The following PRUNE2 variants were observed in gnomAD, a reference collection of about 807,000 sequenced individuals.
The protein encoded by PRUNE2 is protein prune homolog 2.
A neutral mutation model predicts 252.0 loss-of-function variants in PRUNE2; 164 were observed. The ratio of observed to expected loss-of-function variants is 0.65; its 90% CI spans 0.57 to 0.74. The LOEUF is 0.74. PRUNE2 is among the 30% of genes least tolerant of loss of function. PRUNE2 has a pLI of 0.00. For synonymous variants in PRUNE2, 1,292 were observed against 1,350.2 expected (o/e 0.96, Z 0.94); for missense variants, 3,495 against 3,711.0 (o/e 0.94, Z 1.51).
chr9:76,805,563 G>A (rs769180562), intron 6 of PRUNE2, among the ~76,000 whole-genome samples: 1 of 152,080 alleles, frequency 6.6e-6, no homozygotes, highest in Non-Finnish European at 1.5e-5. Context: ...TCACTGCACT[G>A]GAGCCTGTGT....
intron 11 of PRUNE2, among the ~76,000 whole-genome samples, chr9:76,646,324 TTA>T (rs1442561530): frequency 6.6e-6 from 1 of 152,220 alleles, no homozygotes; most frequent in African/African-American, 2.4e-5. Flanking sequence ...AACACTGCCA[TTA>T]TGTTCTGGAA....
chr9:76,792,332 C>T (rs1410574573), intron 6 of PRUNE2, among the ~76,000 whole-genome samples: 1 of 152,192 alleles, frequency 6.6e-6, no homozygotes. Flanking sequence ...GATTGTGAGG[C>T]CTCCCCAGCC....
intron 9 of PRUNE2, among the ~76,000 whole-genome samples, chr9:76,657,404 C>T (rs377524038): frequency 2.6e-5 from 4 of 152,298 alleles, no homozygotes; most frequent in South Asian, 4.1e-4. Flanking sequence ...TGGGCCTTGG[C>T]ATCAAAATAA....
chr9:76,752,839 G>T (rs1039657576), intron 6 of PRUNE2, among the ~76,000 whole-genome samples: 5 of 152,124 alleles, frequency 3.3e-5, no homozygotes, highest in Non-Finnish European at 7.4e-5. Context: ...TGACTCCAGA[G>T]CCCAAGTTCT....
intron 9 of PRUNE2, among the ~76,000 whole-genome samples, chr9:76,694,628 T>C (rs926262617): frequency 6.6e-6 from 1 of 152,238 alleles, no homozygotes; most frequent in African/African-American, 2.4e-5. Flanking sequence ...GGACATAGGT[T>C]ATCACCAGTA....
intron 6 of PRUNE2, among the ~76,000 whole-genome samples, chr9:76,798,152 A>T (rs1333921160): frequency 6.6e-6 from 1 of 152,188 alleles, no homozygotes; most frequent in Non-Finnish European, 1.5e-5. Flanking sequence ...AACATAAAAC[A>T]TAAAATTTAC....
intron 6 of PRUNE2, among the ~76,000 whole-genome samples, chr9:76,799,341 CAAAAAA>C (rs71354683): frequency 8.9e-6 from 1 of 112,742 alleles, no homozygotes; most frequent in Non-Finnish European, 1.9e-5. Flanking sequence ...AACTCTGTCT[CAAAAAA>C]AAAAAAAAAA....
At chr9:76,624,827 G>A (rs1248069440) in intron 16 of PRUNE2, among the ~76,000 whole-genome samples, 1 of 152,182 alleles carries the variant, frequency 6.6e-6, no homozygotes, top group African/African-American at 2.4e-5. Context: ...AGTCAGGGAT[G>A]TATCTGGTTT....
At chr9:76,854,669 G>A (rs972507447) in intron 1 of PRUNE2, among the ~76,000 whole-genome samples, 1 of 152,056 alleles carries the variant, frequency 6.6e-6, no homozygotes, top group South Asian at 2.1e-4. Context: ...TCACATTTTG[G>A]GTAACAAGAT....
chr9:76,704,181 C>T (rs2046124900), intron 8 of PRUNE2, 82 bp from the exon 9 acceptor site: 1 of 763,732 alleles, frequency 1.3e-6, no homozygotes, highest in Non-Finnish European at 1.9e-6. Context: ...TGCAAATGAT[C>T]ATCTAAAAGA....
intron 6 of PRUNE2, among the ~76,000 whole-genome samples, chr9:76,810,564 T>C (rs756924810): frequency 2.6e-5 from 4 of 152,196 alleles, no homozygotes; most frequent in Non-Finnish European, 5.9e-5. Flanking sequence ...TGACCTGTAA[T>C]AATCCACTCT....
chr9:76,703,838 GCTAA>G lies in PRUNE2; in HGVS notation c.7771_7774del (p.Leu2591GlnfsTer12), dbSNP rs1194973681. 7 of 1,613,990 alleles carry G rather than the reference GCTAA, an allele frequency of 4.3e-6. No individual in the cohort carries two copies. The highest frequency in any genetic ancestry group is 5.1e-6 in the Non-Finnish European group (6 of 1,179,892). On this transcript the variant is annotated frameshift_variant, in exon 9 of 19. Transcript: ENST00000376718. LOFTEE classifies it high-confidence loss of function. ...TGGCTGACATGTGTCTGGGAAGCTT[GCTAA>G]CTGAGTTCCCTGCAGCCCTGTTTCT...
intron 9 of PRUNE2, among the ~76,000 whole-genome samples, chr9:76,699,741 A>G (rs1052592442): frequency 6.6e-6 from 1 of 152,218 alleles, no homozygotes; most frequent in Non-Finnish European, 1.5e-5. Flanking sequence ...CTAAATACAG[A>G]TATCTCCTAT....
At chr9:76,637,329 T>A in intron 14 of PRUNE2, 89 bp downstream of exon 14, 1 of 1,244,802 alleles carries the variant, frequency 8.0e-7, no homozygotes, top group Non-Finnish European at 1.1e-6. Flanking sequence ...TTCTTGTGTA[T>A]AATGAAGATA....
intron 9 of PRUNE2, among the ~76,000 whole-genome samples, chr9:76,670,174 G>T (rs916517970): frequency 1.4e-4 from 22 of 152,300 alleles, no homozygotes; most frequent in African/African-American, 5.1e-4. Flanking sequence ...CAGACAGTGG[G>T]CACAGGTCAG....
At chr9:76,695,115 G>T (rs1005381052) in intron 9 of PRUNE2, among the ~76,000 whole-genome samples, 7 of 152,096 alleles carry the variant, frequency 4.6e-5, no homozygotes, top group Admixed American at 3.3e-4. Context: ...AGCCCACTGC[G>T]ATCTCCATCT....
chr9:76,619,293 C>T (rs1264147386), intron 18 of PRUNE2, 47 bp downstream of exon 18: 1 of 1,299,352 alleles, frequency 7.7e-7, no homozygotes, highest in South Asian at 1.2e-5. Flanking sequence ...CCCAGCCATA[C>T]AACACTACAA....
intron 11 of PRUNE2, chr9:76,645,147 A>C: frequency 4.7e-6 from 2 of 421,308 alleles, no homozygotes; most frequent in Non-Finnish European, 8.5e-6. Context: ...GAACAACCAC[A>C]TCCATTGCTA....
rs770814285 is a variant in PRUNE2, at chr9:76,707,718, T to A, written c.4556A>T (p.Glu1519Val). The A allele has an allele frequency of 9.3e-6, 15 of 1,613,796 alleles. No individual in the cohort carries two copies. The South Asian group carries it at 1.6e-4, about 18-fold the overall frequency. The change falls in exon 8 of 19, where the codon GAA becomes GTA. Residue 1519 changes from glutamate to valine, a missense_variant. Coordinates refer to ENST00000376718, the MANE Select transcript of PRUNE2 (RefSeq NM_015225.3). ...CGAACCGGCTCCTGGAAGGCTATTT[T>A]CAGACCCCTTAACGTCAAGATTTTT... is the stretch of plus-strand genomic sequence containing the variant. Reference protein sequence around the residue: ...ITKNLDVKGSENSLPGAGSSG... With the variant: ...ITKNLDVKGSVNSLPGAGSSG...
Sources: allele counts gnomAD v4.1 joint callset (sites outside exome capture counted in the v4.1 genomes callset), GRCh38; gene constraint gnomAD v4.1.1; transcripts MANE v1.5; gene names NCBI Gene and HGNC (gene_info 2026-07-23, HGNC 2026-07-21).